CNTNAP5: variants seen among roughly 807,000 people sequenced by gnomAD.
CNTNAP5 encodes contactin associated protein family member 5.
A neutral mutation model predicts 150.2 loss-of-function variants in CNTNAP5; 72 were observed. That is an observed-to-expected ratio of 0.48 (90% CI 0.40 to 0.58). The LOEUF (loss-of-function observed/expected upper bound fraction) is 0.58. Ranked by LOEUF, CNTNAP5 falls within the 20% of genes least tolerant of loss-of-function variation. The pLI, the probability that CNTNAP5 is intolerant of heterozygous loss-of-function variation, is 0.00. For missense variants in CNTNAP5, 1,636 were observed against 1,626.2 expected, an observed-to-expected ratio of 1.01 and a Z score of -0.10; for synonymous variants, 672 against 619.8, an observed-to-expected ratio of 1.08 and a Z score of -1.25.
chr2:124,886,428 C>T (rs577436653), intron 21 of CNTNAP5, among the ~76,000 whole-genome samples: 9 of 151,978 alleles, frequency 5.9e-5, no homozygotes, highest in Non-Finnish European at 1.2e-4. Flanking sequence ...CAGAGACTGC[C>T]AGATGATCTT....
chr2:124,599,174 C>A (rs1371704248), intron 11 of CNTNAP5, among the ~76,000 whole-genome samples: 1 of 152,166 alleles, frequency 6.6e-6, no homozygotes, highest in Non-Finnish European at 1.5e-5. Context: ...CTCCCACCTT[C>A]AATATTTAAA....
chr2:124,455,176 G>GA lies in CNTNAP5; in HGVS notation c.918+8245dup, dbSNP rs146989901. On this transcript the variant is annotated intron_variant, in intron 6 of 23. Transcript: ENST00000682447. Reference sequence around the variant, plus strand: ...GCAAGATTAACCAAAAAAAAGAAGAGAAAAAATCCAAATAAGCTCTATTAG... The same window carrying GA: ...GCAAGATTAACCAAAAAAAAGAAGAGAAAAAAATCCAAATAAGCTCTATTAG... 7.5e-3 allele frequency among the ~76,000 whole-genome samples: 1,140 copies of GA among 151,450 alleles called. 48 individuals carry two copies. The East Asian group carries it at 0.13, about 17-fold the overall frequency.
intron 13 of CNTNAP5, among the ~76,000 whole-genome samples, chr2:124,677,858 C>T (rs1678980409): frequency 6.6e-6 from 1 of 151,846 alleles, no homozygotes; most frequent in Admixed American, 6.7e-5. Context: ...CTGGCTTCAC[C>T]TCTCAATAAT....
chr2:124,705,347 A>T (rs1679611827), intron 13 of CNTNAP5, among the ~76,000 whole-genome samples: 1 of 151,984 alleles, frequency 6.6e-6, no homozygotes, highest in Non-Finnish European at 1.5e-5. Context: ...GGCCAACCTG[A>T]TGAGACCTCG....
chr2:124,357,501 A>T (rs1192498249), intron 3 of CNTNAP5, among the ~76,000 whole-genome samples: 3 of 152,008 alleles, frequency 2.0e-5, no homozygotes, highest in Non-Finnish European at 4.4e-5. Flanking sequence ...TACGGAAGGG[A>T]TCCAGTTTCA....
intron 3 of CNTNAP5, 28 bp downstream of exon 3, chr2:124,242,421 T>C: frequency 6.3e-7 from 1 of 1,592,138 alleles, no homozygotes; most frequent in Non-Finnish European, 8.6e-7. Flanking sequence ...TTCCAATGAA[T>C]AAAACTGAGA....
At chr2:124,176,308 A>G (rs964478128) in intron 1 of CNTNAP5, among the ~76,000 whole-genome samples, 8 of 152,212 alleles carry the variant, frequency 5.3e-5, no homozygotes, top group African/African-American at 1.9e-4. Flanking sequence ...GGATGAAATA[A>G]AGAGAAGGAA....
intron 9 of CNTNAP5, among the ~76,000 whole-genome samples, chr2:124,525,285 A>G (rs988563336): frequency 6.6e-6 from 1 of 152,246 alleles, no homozygotes; most frequent in Non-Finnish European, 1.5e-5. Flanking sequence ...AGATACTTAT[A>G]GTCCCTAAAC....
At chr2:124,541,179 A>AATTTTTT (rs561235258) in intron 10 of CNTNAP5, among the ~76,000 whole-genome samples, 4 of 83,078 alleles carry the variant, frequency 4.8e-5, no homozygotes, top group East Asian at 9.1e-4. Context: ...CAAAATTCCG[A>AATTTTTT]TTTTTTTTTT....
chr2:124,303,375 C>T (rs1327166681), intron 3 of CNTNAP5, among the ~76,000 whole-genome samples: 3 of 152,186 alleles, frequency 2.0e-5, no homozygotes, highest in Non-Finnish European at 4.4e-5. Context: ...GATGATTCCA[C>T]CTTGCAAACT....
At chr2:124,476,965 G>T (rs1209438641) in intron 7 of CNTNAP5, among the ~76,000 whole-genome samples, 1 of 152,126 alleles carries the variant, frequency 6.6e-6, no homozygotes, top group African/African-American at 2.4e-5. Context: ...CAGGTTAAGA[G>T]AAAATCCAGA....
At chr2:124,722,979 G>A (rs1006521418) in intron 13 of CNTNAP5, among the ~76,000 whole-genome samples, 2 of 152,162 alleles carry the variant, frequency 1.3e-5, no homozygotes, top group Non-Finnish European at 1.5e-5. Flanking sequence ...CTTCCTGGGA[G>A]GTGGCTGATT....
intron 3 of CNTNAP5, among the ~76,000 whole-genome samples, chr2:124,317,949 T>C (rs1476166805): frequency 6.6e-6 from 1 of 152,216 alleles, no homozygotes; most frequent in Non-Finnish European, 1.5e-5. Context: ...TTTTTGTTTC[T>C]TTAAAAATTG....
At chr2:124,734,175 A>C (rs568110131) in intron 13 of CNTNAP5, among the ~76,000 whole-genome samples, 1 of 152,182 alleles carries the variant, frequency 6.6e-6, no homozygotes, top group Non-Finnish European at 1.5e-5. Context: ...AACACCCCAC[A>C]TCTCCAAAGT....
At chr2:124,057,227 T>G (rs17010780) in intron 1 of CNTNAP5, among the ~76,000 whole-genome samples, 15,987 of 151,730 alleles carry the variant, frequency 0.11, 1,007 homozygotes, top group East Asian at 0.33. Context: ...GTTATACCTT[T>G]ATACCTGACT....
intron 1 of CNTNAP5, among the ~76,000 whole-genome samples, chr2:124,148,772 C>T (rs1288161334): frequency 6.8e-6 from 1 of 146,468 alleles, no homozygotes; most frequent in African/African-American, 2.5e-5. Context: ...TTTGCGTGTG[C>T]ACATATGTGT....
chr2:124,742,250 A>G (rs576258211), intron 13 of CNTNAP5, among the ~76,000 whole-genome samples: 21 of 152,254 alleles, frequency 1.4e-4, no homozygotes, highest in Admixed American at 2.6e-4. Context: ...TTTTTCTTTT[A>G]ATTTGTTTGT....
At position 124,889,200 on chromosome 2, in the gene CNTNAP5, A is replaced by G. The variant is rs930073737; in HGVS notation, c.3437-13682A>G. 2.7e-5 allele frequency among the ~76,000 whole-genome samples: 4 copies of G among 149,916 alleles called. No individual in the cohort carries two copies. In the South Asian group the frequency reaches 8.4e-4, roughly 32 times the overall value. On this transcript the variant is annotated intron_variant, in intron 21 of 23. Transcript: ENST00000682447. ...TGCAACCTCTGCCTCCCAGGTTTCA[A>G]GTGATTCTGCTGTTTCAGCCTCCCA...
intron 10 of CNTNAP5, among the ~76,000 whole-genome samples, chr2:124,536,570 G>A (rs1695236101): frequency 6.6e-6 from 1 of 152,128 alleles, no homozygotes; most frequent in Non-Finnish European, 1.5e-5. Flanking sequence ...TGACTGCCAA[G>A]GTCATATCTT....
Sources: gnomAD v4.1 joint callset for allele counts (sites outside exome capture counted in the v4.1 genomes callset) on GRCh38, gnomAD v4.1.1 for gene constraint, MANE v1.5 for transcripts, NCBI Gene and HGNC (gene_info 2026-07-23, HGNC 2026-07-21) for gene names.